GTSE1: variants seen among roughly 807,000 people sequenced by gnomAD.
GTSE1 encodes G2 and S-phase expressed 1, also known as G2 and S phase-expressed protein 1.
GTSE1 carries 52 observed loss-of-function variants against 60.5 expected under a neutral mutation model. The ratio of observed to expected loss-of-function variants is 0.86; its 90% CI spans 0.69 to 1.08. GTSE1 has a LOEUF of 1.08. Among genes scored for constraint, GTSE1 ranks in the 50% least tolerant of loss-of-function variants. GTSE1 has a pLI of 0.00. For missense variants in GTSE1, 937 were observed against 961.8 expected, an observed-to-expected ratio of 0.97 and a Z score of 0.34; for synonymous variants, 368 against 386.5, an observed-to-expected ratio of 0.95 and a Z score of 0.56.
chr22:46,316,652 G>T lies in GTSE1; in HGVS notation c.1432+240G>T, dbSNP rs1444094322. 3.3e-5 allele frequency among the ~76,000 whole-genome samples: 5 copies of T among 152,076 alleles called. No homozygotes were observed. The highest frequency in any genetic ancestry group is 3.3e-4 in the Admixed American group (5 of 15,262). Reference sequence around the variant, plus strand: ...CCAATGCTCGTAGGCTGCTTGTAAGGTTTTCTCTTTAGTGTTACTGTCGGG... The same window carrying T: ...CCAATGCTCGTAGGCTGCTTGTAAGTTTTTCTCTTTAGTGTTACTGTCGGG... On this transcript the variant is annotated intron_variant, in intron 7 of 11. Coordinates refer to ENST00000454366, the MANE Select transcript of GTSE1 (RefSeq NM_016426.7). The surrounding 1 kb of genome is among the most constrained non-coding windows in gnomAD (Gnocchi z 5.0).
intron 10 of GTSE1, 50 bp downstream of exon 10, chr22:46,328,939 C>A: frequency 6.9e-7 from 1 of 1,452,710 alleles, no homozygotes; most frequent in Non-Finnish European, 9.6e-7. Flanking sequence ...TTCCTGGAGG[C>A]TGCTCGGGAA....
chr22:46,319,314 A>G lies in GTSE1; in HGVS notation c.1432+2902A>G, dbSNP rs1159330399. 6.6e-6 allele frequency among the ~76,000 whole-genome samples: 1 copy of G among 152,116 alleles called. No homozygotes were observed. Among genetic ancestry groups the G allele is most frequent in the Admixed American group, 6.5e-5 (1 of 15,268 alleles). On this transcript the variant is annotated intron_variant, in intron 7 of 11. Transcript: ENST00000454366. This position sits in a 1 kb window ranked among gnomAD's most constrained non-coding sequence, Gnocchi z 5.0. ...AAGGTCCCTCCACAGAGGGAAGAGCAGAGTCTCTGGGCCGAAGAGTGGTGG... is the reference window on the plus strand; with the variant it reads ...AAGGTCCCTCCACAGAGGGAAGAGCGGAGTCTCTGGGCCGAAGAGTGGTGG...
In GTSE1 at chr22:46,324,752, C is replaced by T. The variant is rs375767860; in HGVS notation, c.1505+1490C>T. On this transcript the variant is annotated intron_variant, in intron 8 of 11. Coordinates refer to ENST00000454366, the MANE Select transcript of GTSE1 (RefSeq NM_016426.7). The surrounding 1 kb of genome is among the most constrained non-coding windows in gnomAD (Gnocchi z 5.2). ...GAGGGTGGGGAATCCTAGAACTTCG[C>T]GGAGAGCAGCAGCTGGGGTTGACAG... 5.9e-5 allele frequency among the ~76,000 whole-genome samples: 9 copies of T among 152,294 alleles called. No homozygotes were observed. The highest frequency in any genetic ancestry group is 9.6e-5 in the African/African-American group (4 of 41,560).
Position 46,326,688 on chromosome 22 carries a change from A to G in GTSE1, c.1724+34A>G, listed in dbSNP as rs765210543. On this transcript the variant is annotated intron_variant, in intron 9 of 11. Coordinates refer to ENST00000454366, the MANE Select transcript of GTSE1 (RefSeq NM_016426.7). ...CGAAGGTGGTAATAAATTGGTCTCA[A>G]ATTCCTAGGCTTGCTGTCCCAGACA... is the stretch of plus-strand genomic sequence containing the variant. 6 of 1,490,088 alleles carry G rather than the reference A, an allele frequency of 4.0e-6. No individual in the cohort carries two copies. In the African/African-American group the frequency reaches 6.9e-5, roughly 17 times the overall value. The allele number at this position is 1,490,088 out of a possible 1,614,324, so 92.3% of individuals were successfully genotyped here. A position where few individuals can be genotyped will look rare whatever the true frequency, so the allele number is the denominator to read the frequency against.
At chr22:46,311,272 T>C (rs973452199) in intron 4 of GTSE1, among the ~76,000 whole-genome samples, 1 of 152,036 alleles carries the variant, frequency 6.6e-6, no homozygotes. Flanking sequence ...GAGACAGGGT[T>C]TCATCATATT....
At position 46,330,165 on chromosome 22, in the gene GTSE1, C is replaced by T. The variant is rs1395597316; in HGVS notation, c.*35C>T. 1.5e-6 allele frequency: 2 copies of T among 1,342,032 alleles called. No homozygotes were observed. The highest frequency in any genetic ancestry group is 2.3e-5 in the East Asian group (1 of 43,612). The allele number at this position is 1,342,032 out of a possible 1,614,324, so 83.1% of individuals were successfully genotyped here. The stretch of plus-strand genomic sequence containing the variant: ...AATCCTTTGCCTTGAAAGAACAGCC[C>T]TAAAGTGGTTTTCAACCCTCAGAAA... On this transcript the variant is annotated 3_prime_UTR_variant, in exon 12 of 12. Coordinates refer to ENST00000454366, the MANE Select transcript of GTSE1 (RefSeq NM_016426.7). This position sits in a 1 kb window ranked among gnomAD's most constrained non-coding sequence, Gnocchi z 6.0.
rs1043643623 is a variant in GTSE1, at chr22:46,313,716, C to T, written c.928-174C>T. Among the ~76,000 whole-genome samples, 2 of 152,200 alleles carry T rather than the reference C, an allele frequency of 1.3e-5. No homozygotes were observed. The highest frequency in any genetic ancestry group is 1.3e-4 in the Admixed American group (2 of 15,288). On this transcript the variant is annotated intron_variant, in intron 5 of 11. Transcript: ENST00000454366. The surrounding 1 kb of genome is among the most constrained non-coding windows in gnomAD (Gnocchi z 4.4). ...TAGAGACAAGGTTTCACCATATTGG[C>T]CAGGCTGGTCTCAAACTCCTGACCT...
chr22:46,309,000 C>T (rs2077733871), intron 4 of GTSE1, 57 bp downstream of exon 4: 1 of 1,536,898 alleles, frequency 6.5e-7, no homozygotes, highest in Non-Finnish European at 8.8e-7. Flanking sequence ...CCCCTCAGCC[C>T]TCTCACAGAA....
At position 46,328,834 on chromosome 22, in the gene GTSE1, C is replaced by G. The variant is rs139642618; in HGVS notation, c.1871C>G (p.Ala624Gly). Residue 624 changes from alanine to glycine, a missense_variant, in exon 10 of 12, where the codon GCC becomes GGC. By Grantham distance (60) the Ala-to-Gly change is moderately conservative. Transcript: ENST00000454366. Reference sequence around the variant, plus strand: ...GATTCTACTTTCTCCAAAAGTACTGCCACAGAAGTAGCTCGGGAGGAAGCC... The same window carrying G: ...GATTCTACTTTCTCCAAAAGTACTGGCACAGAAGTAGCTCGGGAGGAAGCC... ...ESDSTFSKST[A>G]TEVAREEAKP... 4,723 of 1,613,996 alleles carry G rather than the reference C, an allele frequency of 2.9e-3. 10 individuals are homozygous for G. Among genetic ancestry groups the G allele is most frequent in the Non-Finnish European group, 3.4e-3 (4,000 of 1,179,926 alleles).
chr22:46,327,895 C>T (rs1021314951), intron 9 of GTSE1, among the ~76,000 whole-genome samples: 1 of 151,764 alleles, frequency 6.6e-6, no homozygotes, highest in East Asian at 1.9e-4. Flanking sequence ...GCATGGAATG[C>T]CAAAGAGAAA....
In GTSE1 at chr22:46,308,779, A is replaced by G. The variant is rs6008600; in HGVS notation, c.598A>G (p.Thr200Ala). The G allele has an allele frequency of 0.11, 175,870 of 1,612,784 alleles. 12,318 individuals carry two copies. Among genetic ancestry groups the G allele is most frequent in the African/African-American group, 0.34 (25,604 of 74,960 alleles). The change falls in exon 4 of 12, where the codon ACC becomes GCC. Residue 200 changes from threonine to alanine, a missense_variant. Transcript: ENST00000454366. ...LPSSGAQARLTRAPGPPHSAH... is the reference protein window; with the variant it reads ...LPSSGAQARLARAPGPPHSAH... ...CAGCTCTGGTGCCCAGGCCCGCCTC[A>G]CCCGGGCGCCGGGGCCTCCGCACTC...
rs2077839935 is a variant in GTSE1 at position 46,325,729 on chromosome 22, CT to C, written c.1506-705del. On this transcript the variant is annotated intron_variant, in intron 8 of 11. Coordinates refer to ENST00000454366, the MANE Select transcript of GTSE1 (RefSeq NM_016426.7). ...CCTGATCTCCTCCTAAAGGCCCCAC[CT>C]TCTAATGCCATCACCTTGGGGGCTA... 2.6e-5 allele frequency among the ~76,000 whole-genome samples: 4 copies of C among 152,242 alleles called. 1 individual carries two copies. The highest frequency in any genetic ancestry group is 2.0e-4 in the Admixed American group (3 of 15,286).
Position 46,329,238 on chromosome 22 carries a change from C to T in GTSE1, c.1927-120C>T. ...AGAGCCTCCTTCCACCAAGGCCCCG[C>T]CTGATTCCTTGGCTTTCCAAACCGC... On this transcript the variant is annotated intron_variant, in intron 10 of 11. Coordinates refer to ENST00000454366, the MANE Select transcript of GTSE1 (RefSeq NM_016426.7). This position sits in a 1 kb window ranked among gnomAD's most constrained non-coding sequence, Gnocchi z 6.4. 1 of 847,908 alleles carries T rather than the reference C, an allele frequency of 1.2e-6. No individual in the cohort carries two copies. Among genetic ancestry groups the T allele is most frequent in the South Asian group, 1.4e-5 (1 of 72,216 alleles). 52.5% of individuals were successfully genotyped at this position (847,908 alleles called of 1,614,324 possible).
chr22:46,311,055 A>G (rs1439457456), intron 4 of GTSE1, among the ~76,000 whole-genome samples: 2 of 148,650 alleles, frequency 1.3e-5, no homozygotes, highest in Non-Finnish European at 3.0e-5. Flanking sequence ...GCTAATGGGT[A>G]CAGGTTGTTT....
rs1271053085 is a variant in GTSE1, at chr22:46,323,397, A to G, written c.1505+135A>G. On this transcript the variant is annotated intron_variant, in intron 8 of 11. Transcript: ENST00000454366. ...ACGCCAGTCTCTTGGGTGCAGGCCG[A>G]GCTCCTGATGTGTACCAGCCCCTTT... The G allele has an allele frequency of 4.1e-6, 3 of 726,344 alleles. No individual in the cohort carries two copies. In the East Asian group the frequency reaches 7.7e-5, roughly 19 times the overall value. The allele number at this position is 726,344 out of a possible 1,614,324, so 45.0% of individuals were successfully genotyped here. A position where few individuals can be genotyped will look rare whatever the true frequency, so the allele number is the denominator to read the frequency against.
rs1273780178 is a variant in GTSE1 at position 46,308,759 on chromosome 22, C to T, written c.578C>T (p.Ser193Phe). 8.7e-6 allele frequency: 14 copies of T among 1,613,050 alleles called. No individual in the cohort carries two copies. The highest frequency in any genetic ancestry group is 1.1e-5 in the Non-Finnish European group (13 of 1,180,032). ...GCCTCCTCCCCGGCCCTGCCCAGCT[C>T]TGGTGCCCAGGCCCGCCTCACCCGG... ...LLASSPALPS[S>F]GAQARLTRAP... Residue 193 changes from serine to phenylalanine, a missense_variant, in exon 4 of 12, where the codon TCT (serine) becomes TTT (phenylalanine). By Grantham distance (155) the Ser-to-Phe change is radical (BLOSUM62 -2). Coordinates refer to ENST00000454366, the MANE Select transcript of GTSE1 (RefSeq NM_016426.7).
intron 9 of GTSE1, chr22:46,327,252 C>T (rs574171001): frequency 6.6e-6 from 1 of 151,912 alleles, no homozygotes; most frequent in Non-Finnish European, 1.5e-5. Flanking sequence ...CTAAATTGAC[C>T]CAGAACACAT....
At position 46,329,377 on chromosome 22, in the gene GTSE1, A is replaced by G; in HGVS notation, c.1946A>G (p.Lys649Arg). The G allele has an allele frequency of 6.2e-7, 1 of 1,614,080 alleles. No homozygotes were observed. Among genetic ancestry groups the G allele is most frequent in the South Asian group, 1.1e-5 (1 of 91,084 alleles). ...APSEALLVDI[K>R]LEPLAVTPDA... ...ACCCAGGCTCTTCTTGTAGATATCAAACTGGAACCACTCGCGGTCACTCCA... is the reference window on the plus strand; with the variant it reads ...ACCCAGGCTCTTCTTGTAGATATCAGACTGGAACCACTCGCGGTCACTCCA... The change falls in exon 11 of 12, where the codon AAA (lysine) becomes AGA (arginine). Residue 649 changes from lysine to arginine, a missense_variant. Physicochemically the swap from Lys to Arg is conservative, Grantham distance 26 (BLOSUM62 2). Coordinates refer to ENST00000454366, the MANE Select transcript of GTSE1 (RefSeq NM_016426.7). The surrounding 1 kb of genome is among the most constrained non-coding windows in gnomAD (Gnocchi z 6.4).
At chr22:46,326,126 G>A (rs2077842196) in intron 8 of GTSE1, among the ~76,000 whole-genome samples, 3 of 152,276 alleles carry the variant, frequency 2.0e-5, no homozygotes, top group Admixed American at 2.0e-4. Context: ...CGTGTGAAGT[G>A]ACATTTAATG....
Sources: allele counts gnomAD v4.1 joint callset (sites outside exome capture counted in the v4.1 genomes callset), GRCh38; gene constraint gnomAD v4.1.1; non-coding constraint Gnocchi (gnomAD v3.1); transcripts MANE v1.5; gene names NCBI Gene and HGNC (gene_info 2026-07-23, HGNC 2026-07-21).